Variants in KRTCAP2 observed in about 807,000 individuals in gnomAD.
The protein encoded by KRTCAP2 is dolichyl-diphosphooligosaccharide--protein glycosyltransferase subunit KCP2.
In KRTCAP2, 10 loss-of-function variants were observed where a neutral mutation model predicts 16.5. The observed-to-expected ratio is 0.60, with a 90% CI of 0.37 to 1.02. The LOEUF (loss-of-function observed/expected upper bound fraction) is 1.02, where lower values mean the gene tolerates loss of function less well. Ranked by LOEUF, KRTCAP2 falls within the 50% of genes least tolerant of loss-of-function variation. The pLI is 0.01. For missense variants in KRTCAP2, 152 were observed against 159.6 expected (o/e 0.95, Z 0.26); for synonymous variants, 68 against 69.8 (o/e 0.97, Z 0.13).
chr1:155,171,506 A>G, intron 3 of KRTCAP2: 1 of 985,316 alleles, frequency 1.0e-6, no homozygotes, highest in African/African-American at 1.7e-5. Context: ...CTGGATGGAA[A>G]GAACTCTGAA....
Position 155,173,261 on chromosome 1 carries a change from C to CA in KRTCAP2, c.-38dup. 1 of 1,614,178 alleles carries CA rather than the reference C, an allele frequency of 6.2e-7. No homozygotes were observed. The highest frequency in any genetic ancestry group is 8.5e-7 in the Non-Finnish European group (1 of 1,180,014). ...CGTGAGTCCAACCGGCGCCTCTGGC[C>CA]AAGAAAGGCGAGCTGAACCGGGTGC... On this transcript the variant is annotated 5_prime_UTR_variant, in exon 1 of 5. Transcript: ENST00000295682.
chr1:155,172,027 A>C, intron 3 of KRTCAP2: 4 of 990,586 alleles, frequency 4.0e-6, no homozygotes, highest in Non-Finnish European at 4.8e-6. Context: ...TCCATAAATA[A>C]CTGAATCATC....
In KRTCAP2 at chr1:155,173,267, A is replaced by C; in HGVS notation, c.-43T>G. On this transcript the variant is annotated 5_prime_UTR_variant, in exon 1 of 5. Transcript: ENST00000295682. ...TCCAACCGGCGCCTCTGGCCAAGAA[A>C]GGCGAGCTGAACCGGGTGCGGTTAG... 6.2e-7 allele frequency: 1 copy of C among 1,614,166 alleles called. No homozygotes were observed. The highest frequency in any genetic ancestry group is 8.5e-7 in the Non-Finnish European group (1 of 1,180,030).
In KRTCAP2 at chr1:155,173,283, G is replaced by T; in HGVS notation, c.-59C>A. On this transcript the variant is annotated 5_prime_UTR_variant, in exon 1 of 5. Coordinates refer to ENST00000295682, the MANE Select transcript of KRTCAP2 (RefSeq NM_173852.4). ...GGCCAAGAAAGGCGAGCTGAACCGGGTGCGGTTAGCTATGCGCATGCGTCA... is the reference window on the plus strand; with the variant it reads ...GGCCAAGAAAGGCGAGCTGAACCGGTTGCGGTTAGCTATGCGCATGCGTCA... 6.2e-7 allele frequency: 1 copy of T among 1,614,020 alleles called. No individual in the cohort carries two copies. The highest frequency in any genetic ancestry group is 8.5e-7 in the Non-Finnish European group (1 of 1,179,948).
At chr1:155,172,662 C>T (rs368098245) in intron 2 of KRTCAP2, 34 bp from the exon 3 acceptor site, 4 of 1,613,948 alleles carry the variant, frequency 2.5e-6, no homozygotes, top group East Asian at 2.2e-5. Context: ...GGGTGTGCAA[C>T]GGGGACAGAG....
At chr1:155,169,980 C>T (rs1042443099) in intron 3 of KRTCAP2, 123 bp from the exon 4 acceptor site, 3 of 652,574 alleles carry the variant, frequency 4.6e-6, no homozygotes, top group South Asian at 3.4e-5. Context: ...GAAGGGTAAG[C>T]GTGACTACAG....
At chr1:155,172,110 G>C in intron 3 of KRTCAP2, 1 of 1,003,550 alleles carries the variant, frequency 1.0e-6, no homozygotes, top group Non-Finnish European at 1.2e-6. Flanking sequence ...ATTCTGATTT[G>C]GTCAGGATTC....
At position 155,169,449 on chromosome 1, in the gene KRTCAP2, C is replaced by T; in HGVS notation, c.402G>A (p.Lys134=). Residue 134 remains lysine (K), a synonymous_variant, in exon 5 of 5, where the codon AAG becomes AAA. Transcript: ENST00000295682. ...TATTGAACATTCAGGGTCAGTTTCT[C>T]TTCTTGCTCTTGCCTGTGACCTTGG... ...TPAKVTGKSK[K]RN is the part of the protein sequence containing the mutation. 6.2e-7 allele frequency: 1 copy of T among 1,614,030 alleles called. No individual in the cohort carries two copies. The highest frequency in any genetic ancestry group is 8.5e-7 in the Non-Finnish European group (1 of 1,179,952).
At chr1:155,170,855 C>T (rs1459069294) in intron 3 of KRTCAP2, 1 of 152,142 alleles carries the variant, frequency 6.6e-6, no homozygotes, top group Non-Finnish European at 1.5e-5. Flanking sequence ...GTCGCCCAGG[C>T]TGGAGTGCAG....
At chr1:155,172,672 G>C in intron 2 of KRTCAP2, 44 bp from the exon 3 acceptor site, 1 of 1,613,990 alleles carries the variant, frequency 6.2e-7, no homozygotes, top group Non-Finnish European at 8.5e-7. Context: ...CGGGGACAGA[G>C]CTGTGTGGGG....
intron 3 of KRTCAP2, chr1:155,170,155 T>TAAA: frequency 1.1e-5 from 2 of 181,614 alleles, no homozygotes; most frequent in Non-Finnish European, 2.3e-5. Context: ...ACCCATCTCT[T>TAAA]AAAAAAAAAA....
chr1:155,173,028 A>C, intron 1 of KRTCAP2, 136 bp from the exon 2 acceptor site: 1 of 1,021,214 alleles, frequency 9.8e-7, no homozygotes, highest in Non-Finnish European at 1.5e-6. Context: ...ACACGCCCCA[A>C]CTCCCCACAC....
At chr1:155,172,098 T>G (rs1665271107) in intron 3 of KRTCAP2, 2 of 998,360 alleles carry the variant, frequency 2.0e-6, no homozygotes, top group African/African-American at 3.5e-5. Context: ...AATCTAACAG[T>G]TATTCTGATT....
At chr1:155,169,760 T>G in intron 4 of KRTCAP2, 31 bp downstream of exon 4, 1 of 1,565,230 alleles carries the variant, frequency 6.4e-7, no homozygotes, top group Non-Finnish European at 8.7e-7. Flanking sequence ...AACGGAATGC[T>G]ACACCCCTTA....
Position 155,173,203 on chromosome 1 carries a change from C to A in KRTCAP2, c.4+18G>T, listed in dbSNP as rs778857172. The A allele has an allele frequency of 6.2e-7, 1 of 1,609,968 alleles. No homozygotes were observed. The highest frequency in any genetic ancestry group is 1.1e-5 in the South Asian group (1 of 90,876). On this transcript the variant is annotated intron_variant, in intron 1 of 4. Coordinates refer to ENST00000295682, the MANE Select transcript of KRTCAP2 (RefSeq NM_173852.4). ...GACCCCCTCTAGGACTTCCTGGGGA[C>A]CCCACCGGTCCTGTTACCCATCATG...
At chr1:155,172,310 T>C in intron 3 of KRTCAP2, 1 of 1,343,596 alleles carries the variant, frequency 7.4e-7, no homozygotes. Flanking sequence ...CAAATTTGCC[T>C]GTTCCCCTCA....
intron 3 of KRTCAP2, chr1:155,172,274 C>A: frequency 7.9e-7 from 1 of 1,263,810 alleles, no homozygotes; most frequent in Non-Finnish European, 1.0e-6. Flanking sequence ...GACCGCCTCC[C>A]AGCGAATAGA....
intron 4 of KRTCAP2, 93 bp downstream of exon 4, chr1:155,169,698 A>G: frequency 1.5e-6 from 2 of 1,338,388 alleles, no homozygotes; most frequent in South Asian, 1.2e-5. Context: ...AGAGAGAGGT[A>G]GGTGTGGAAG....
rs182636107 is a variant in KRTCAP2, at chr1:155,171,433, A to G, written c.223+1132T>C. 106 of 982,266 alleles carry G rather than the reference A, an allele frequency of 1.1e-4. 2 individuals carry two copies. Among genetic ancestry groups the G allele is most frequent in the East Asian group, 2.3e-4 (2 of 8,788 alleles). 60.8% of individuals were successfully genotyped at this position (982,266 alleles called of 1,614,324 possible). ...GACTCCATCTCAAAAAAAAAAAAAAAAAGAAGCAAGTGAAGGTAATACATA... is the reference window on the plus strand; with the variant it reads ...GACTCCATCTCAAAAAAAAAAAAAAGAAGAAGCAAGTGAAGGTAATACATA... On this transcript the variant is annotated intron_variant, in intron 3 of 4. Coordinates refer to ENST00000295682, the MANE Select transcript of KRTCAP2 (RefSeq NM_173852.4).
Sources: gnomAD v4.1 joint callset for allele counts on GRCh38, gnomAD v4.1.1 for gene constraint, MANE v1.5 for transcripts, NCBI Gene and HGNC (gene_info 2026-07-23, HGNC 2026-07-21) for gene names.